The following DPP6 variants were observed in gnomAD, a reference collection of about 807,000 sequenced individuals.
DPP6 encodes dipeptidyl peptidase like 6.
DPP6 carries 69 observed loss-of-function variants against 122.6 expected under a neutral mutation model. The observed-to-expected ratio is 0.56, with a 90% CI of 0.46 to 0.69. DPP6 has a LOEUF of 0.69. DPP6 is among the 30% of genes least tolerant of loss of function. The pLI, the probability that DPP6 is intolerant of heterozygous loss-of-function variation, is 0.00. For synonymous variants in DPP6, 418 were observed against 433.1 expected (o/e 0.97, Z 0.43); for missense variants, 928 against 1,116.9 (o/e 0.83, Z 2.41).
chr7:153,764,252 G>T, the DPP6 span, among the ~76,000 whole-genome samples: 1 of 152,120 alleles, frequency 6.6e-6, no homozygotes, highest in Non-Finnish European at 1.5e-5. Context: ...CTGCACTGGG[G>T]AAGGGAAGAC....
At chr7:154,568,286 T>C (rs1014977227) in intron 5 of DPP6, among the ~76,000 whole-genome samples, 3 of 152,228 alleles carry the variant, frequency 2.0e-5, no homozygotes, top group Admixed American at 2.0e-4. Flanking sequence ...TAGCAGATAT[T>C]TGAAAGCCTT....
intron 16 of DPP6, among the ~76,000 whole-genome samples, chr7:154,827,730 G>A (rs1353438199): frequency 1.5e-5 from 2 of 129,420 alleles, no homozygotes; most frequent in Admixed American, 1.5e-4. Context: ...GCTGGCGGGG[G>A]GGGGGTGGTG....
chr7:154,175,627 A>G (rs974688850), intron 1 of DPP6, among the ~76,000 whole-genome samples: 1 of 151,932 alleles, frequency 6.6e-6, no homozygotes, highest in Admixed American at 6.6e-5. Flanking sequence ...GCTTGCAGCA[A>G]TTTGTTTTGG....
chr7:154,065,669 C>T (rs1351361023), intron 1 of DPP6, among the ~76,000 whole-genome samples: 1 of 151,946 alleles, frequency 6.6e-6, no homozygotes, highest in Non-Finnish European at 1.5e-5. Flanking sequence ...CAAATTAGGA[C>T]CAGGCCAATG....
chr7:154,777,690 C>T (rs1171419663), intron 10 of DPP6, among the ~76,000 whole-genome samples: 1 of 152,094 alleles, frequency 6.6e-6, no homozygotes, highest in Non-Finnish European at 1.5e-5. Flanking sequence ...CTGATATGTG[C>T]TGTTATTTGC....
chr7:154,062,035 G>C lies in DPP6; in HGVS notation c.243+8972G>C, dbSNP rs1336171120. ...TCGCAGGGGGGGGGAGGCACCCCCC[G>C]CGAGGCAGGGACTGACAGCCAGCCC... On this transcript the variant is annotated intron_variant, in intron 1 of 25. Coordinates refer to ENST00000377770, the MANE Select transcript of DPP6 (RefSeq NM_130797.4). Among the ~76,000 whole-genome samples the C allele has an allele frequency of 1.0e-4, 11 of 105,072 alleles. 2 individuals carry two copies. Among genetic ancestry groups the C allele is most frequent in the Non-Finnish European group, 2.2e-4 (11 of 50,292 alleles). 68.9% of individuals were successfully genotyped at this position (105,072 alleles called of 152,430 possible).
chr7:154,650,152 C>G lies in DPP6; in HGVS notation c.680+12279C>G, dbSNP rs149795074. Among the ~76,000 whole-genome samples, 47 of 152,098 alleles carry G rather than the reference C, an allele frequency of 3.1e-4. 1 individual carries two copies. The highest frequency in any genetic ancestry group is 1.1e-3 in the African/African-American group (46 of 41,472). The stretch of plus-strand genomic sequence containing the variant: ...CTGGGCAACATAGCAAGACACCCAT[C>G]TCTACAAAAATACAATTAAAAAATT... On this transcript the variant is annotated intron_variant, in intron 6 of 25. Transcript: ENST00000377770.
chr7:154,333,930 A>G (rs1236816838), intron 1 of DPP6, among the ~76,000 whole-genome samples: 1 of 152,216 alleles, frequency 6.6e-6, no homozygotes, highest in Non-Finnish European at 1.5e-5. Flanking sequence ...AAATTACTTA[A>G]TATCATCTGC....
intron 1 of DPP6, among the ~76,000 whole-genome samples, chr7:153,913,482 A>G (rs886087749): frequency 1.3e-5 from 2 of 152,182 alleles, no homozygotes; most frequent in Non-Finnish European, 2.9e-5. Flanking sequence ...CATAAAGTCT[A>G]AAAATTGGAT....
rs373224292 is a variant in DPP6 at position 154,794,125 on chromosome 7, G to T, written c.1183G>T (p.Ala395Ser). 1 of 1,613,610 alleles carries T rather than the reference G, an allele frequency of 6.2e-7. No individual in the cohort carries two copies. Among genetic ancestry groups the T allele is most frequent in the Non-Finnish European group, 8.5e-7 (1 of 1,179,702 alleles). ...MVKWATSTKV[A>S]VTWLNRAQNV... ...GAAGTGGGCCACCAGCACCAAGGTC[G>T]CCGTGACCTGGCTGAACCGGGCGCA... Residue 395 changes from alanine to serine, a missense_variant, in exon 11 of 26, where the codon GCC becomes TCC. Coordinates refer to ENST00000377770, the MANE Select transcript of DPP6 (RefSeq NM_130797.4).
intron 2 of DPP6, among the ~76,000 whole-genome samples, chr7:154,464,692 G>C (rs1821633683): frequency 6.6e-6 from 1 of 152,124 alleles, no homozygotes; most frequent in African/African-American, 2.4e-5. Flanking sequence ...GTTACAATTG[G>C]TCTATTGATA....
chr7:154,102,017 C>T (rs931961121), intron 1 of DPP6, among the ~76,000 whole-genome samples: 18 of 150,236 alleles, frequency 1.2e-4, no homozygotes, highest in African/African-American at 2.5e-5. Context: ...GTCACTCATT[C>T]ATTCAGTAAA....
At chr7:154,078,351 TACACACACACACAC>T (rs3052965) in intron 1 of DPP6, among the ~76,000 whole-genome samples, 48 of 149,518 alleles carry the variant, frequency 3.2e-4, no homozygotes, top group African/African-American at 9.6e-4. Context: ...AGTGCATATG[TACACACACACACAC>T]ACACACACAC....
chr7:154,747,601 C>T (rs1488085579), intron 8 of DPP6, among the ~76,000 whole-genome samples: 2 of 152,118 alleles, frequency 1.3e-5, no homozygotes, highest in African/African-American at 2.4e-5. Context: ...TAGGCACTCG[C>T]GAAGTGTAGC....
chr7:153,862,048 T>G, the DPP6 span, among the ~76,000 whole-genome samples: 1 of 152,302 alleles, frequency 6.6e-6, no homozygotes, highest in East Asian at 1.9e-4. Flanking sequence ...CTTGAGAATT[T>G]ACATGTGGAA....
At chr7:154,099,063 G>T (rs970850078) in intron 1 of DPP6, among the ~76,000 whole-genome samples, 1 of 152,142 alleles carries the variant, frequency 6.6e-6, no homozygotes, top group African/African-American at 2.4e-5. Context: ...AGGAAGATAG[G>T]CACATATTTT....
At chr7:154,723,188 A>G (rs1563141839) in intron 7 of DPP6, among the ~76,000 whole-genome samples, 3 of 152,102 alleles carry the variant, frequency 2.0e-5, no homozygotes, top group Non-Finnish European at 2.9e-5. Context: ...AGCCCAGGAA[A>G]CAGGTTTACA....
intron 1 of DPP6, among the ~76,000 whole-genome samples, chr7:154,397,660 T>A (rs1261725664): frequency 6.6e-6 from 1 of 152,224 alleles, no homozygotes; most frequent in Non-Finnish European, 1.5e-5. Flanking sequence ...CTTCATGCTG[T>A]TAATTCACTT....
chr7:153,783,394 A>G, the DPP6 span, among the ~76,000 whole-genome samples: 1 of 152,140 alleles, frequency 6.6e-6, no homozygotes, highest in Non-Finnish European at 1.5e-5. Context: ...AGCCTCACTC[A>G]TTATCACAAG....
Sources: allele counts gnomAD v4.1 joint callset (sites outside exome capture counted in the v4.1 genomes callset), GRCh38; gene constraint gnomAD v4.1.1; transcripts MANE v1.5; gene names NCBI Gene and HGNC (gene_info 2026-07-23, HGNC 2026-07-21).